Variants in NECAB3 observed in about 807,000 individuals in gnomAD.
NECAB3 encodes N-terminal EF-hand calcium binding protein 3.
NECAB3 carries 38 observed loss-of-function variants against 57.2 expected under a neutral mutation model. The observed-to-expected ratio is 0.66, with a 90% CI of 0.51 to 0.87. The LOEUF is 0.87. Ranked by LOEUF, NECAB3 falls within the 40% of genes least tolerant of loss-of-function variation. The pLI is 0.00. For synonymous variants in NECAB3, 223 were observed against 222.6 expected (o/e 1.00, Z -0.02); for missense variants, 474 against 527.5 (o/e 0.90, Z 0.99).
At chr20:33,658,070 C>T (rs370085851) in intron 10 of NECAB3, 37 bp from the exon 11 acceptor site, 1 of 1,524,994 alleles carries the variant, frequency 6.6e-7, no homozygotes, top group Non-Finnish European at 8.9e-7. Context: ...TCGCTCTCCC[C>T]ACTCCCGCCC....
intron 5 of NECAB3, among the ~76,000 whole-genome samples, chr20:33,665,940 G>A (rs1158638247): frequency 1.3e-5 from 2 of 152,236 alleles, no homozygotes; most frequent in South Asian, 2.1e-4. Flanking sequence ...AAAATTAGCC[G>A]CGTATGGTGG....
chr20:33,664,404 G>A (rs2017589754), intron 5 of NECAB3: 1 of 156,410 alleles, frequency 6.4e-6, no homozygotes, highest in Non-Finnish European at 1.4e-5. Flanking sequence ...GGAAGCCCTG[G>A]GCCTCTCTCT....
chr20:33,666,926 G>A lies in NECAB3; in HGVS notation c.387+2449C>T, dbSNP rs1216483032. 5 of 152,942 alleles carry A rather than the reference G, an allele frequency of 3.3e-5. No individual in the cohort carries two copies. In the Admixed American group the frequency reaches 3.3e-4, roughly 10 times the overall value. The allele number at this position is 152,942 out of a possible 1,614,324, so 9.5% of individuals were successfully genotyped here. On this transcript the variant is annotated intron_variant, in intron 5 of 11. Transcript: ENST00000246190. ...GGAGCCAAGAGCTGAAAAGGGTGGTGATTTGGTCCAGAAGAGGAAGAACTT... is the reference window on the plus strand; with the variant it reads ...GGAGCCAAGAGCTGAAAAGGGTGGTAATTTGGTCCAGAAGAGGAAGAACTT...
intron 5 of NECAB3, chr20:33,667,642 G>A (rs1351138139): frequency 1.2e-6 from 2 of 1,607,680 alleles, no homozygotes; most frequent in South Asian, 1.1e-5. Flanking sequence ...GAACGTGGCA[G>A]GCAGCACCCT....
At chr20:33,673,448 T>C (rs2017873612) in intron 1 of NECAB3, among the ~76,000 whole-genome samples, 1 of 151,668 alleles carries the variant, frequency 6.6e-6, no homozygotes, top group Non-Finnish European at 1.5e-5. Flanking sequence ...ATCTTGGGAG[T>C]GGGCAGGGGT....
At chr20:33,667,862 G>A in intron 5 of NECAB3, 4 of 1,604,492 alleles carry the variant, frequency 2.5e-6, no homozygotes, top group South Asian at 2.2e-5. Context: ...GAGCGCTTCC[G>A]CTGCCCCGAA....
At chr20:33,658,408 T>A in intron 10 of NECAB3, 69 bp downstream of exon 10, 1 of 1,510,240 alleles carries the variant, frequency 6.6e-7, no homozygotes. Context: ...GAGAGCAGAA[T>A]TAGAACCCTG....
chr20:33,668,246 A>G (rs772536664), intron 5 of NECAB3: 3 of 1,565,956 alleles, frequency 1.9e-6, no homozygotes. Context: ...GTCAGGCTGG[A>G]CTGGGGGGGG....
chr20:33,663,762 G>A (rs1342781316), intron 5 of NECAB3: 4 of 1,454,460 alleles, frequency 2.8e-6, no homozygotes, highest in Admixed American at 2.6e-5. Context: ...TGAGCTGGCC[G>A]CGGCTGCTCT....
rs748691280 is a variant in NECAB3 at position 33,658,745 on chromosome 20, T to C, written c.969A>G (p.Thr323=). Residue 323 remains threonine, a synonymous_variant, in exon 9 of 12, where the codon ACA becomes ACG. Coordinates refer to ENST00000246190, the MANE Select transcript of NECAB3 (RefSeq NM_031232.4). ...HRALRCYVDF[T]GAQSHCLHVS... The stretch of plus-strand genomic sequence containing the variant: ...ACTGCAGACAATGGCTCTGGGCCCC[T>C]GTGAAGTCCACATAGCAGCGCAGGG... The C allele has an allele frequency of 4.3e-6, 7 of 1,613,556 alleles. No individual in the cohort carries two copies. The African/African-American group carries it at 8.0e-5, about 18-fold the overall frequency.
chr20:33,668,024 C>T, intron 5 of NECAB3: 3 of 1,543,576 alleles, frequency 1.9e-6, no homozygotes, highest in Admixed American at 2.0e-5. Flanking sequence ...CCTGGCTTCG[C>T]CGAGCGCCTG....
intron 5 of NECAB3, chr20:33,667,570 G>T: frequency 6.4e-7 from 1 of 1,558,968 alleles, no homozygotes. Flanking sequence ...GGCGGGCGCG[G>T]GCGTGTGCCA....
intron 5 of NECAB3, chr20:33,664,097 G>C (rs946729787): frequency 2.1e-6 from 1 of 465,694 alleles, no homozygotes; most frequent in Admixed American, 4.4e-5. Flanking sequence ...CCCAAACCTT[G>C]CTACAGTGGC....
At chr20:33,669,085 T>C (rs902740710) in intron 5 of NECAB3, 4 of 426,096 alleles carry the variant, frequency 9.4e-6, no homozygotes, top group Admixed American at 8.1e-5. Context: ...GCACCCAGTG[T>C]ATGCCAGACA....
chr20:33,658,151 A>C, intron 10 of NECAB3, 118 bp from the exon 11 acceptor site: 1 of 883,416 alleles, frequency 1.1e-6, no homozygotes, highest in Non-Finnish European at 1.7e-6. Flanking sequence ...CTCCCCTGTG[A>C]CACGGGGAAG....
chr20:33,657,204 T>G lies in NECAB3; in HGVS notation c.*625A>C, dbSNP rs1762750035. On this transcript the variant is annotated 3_prime_UTR_variant, in exon 12 of 12. Transcript: ENST00000246190. The stretch of plus-strand genomic sequence containing the variant: ...TTATTGCTACTTGGCCAGGTCACCT[T>G]GGGGCTTCCCATACTGCCCTGAGAA... 6.5e-6 allele frequency: 1 copy of G among 152,828 alleles called. No individual in the cohort carries two copies. The highest frequency in any genetic ancestry group is 1.5e-5 in the Non-Finnish European group (1 of 68,072). The allele number at this position is 152,828 out of a possible 1,614,324, so 9.5% of individuals were successfully genotyped here.
Position 33,674,235 on chromosome 20 carries a change from G to A in NECAB3, c.118C>T (p.Leu40Phe), listed in dbSNP as rs945330530. The A allele has an allele frequency of 8.0e-6, 10 of 1,246,956 alleles. No individual in the cohort carries two copies. Among genetic ancestry groups the A allele is most frequent in the East Asian group, 3.1e-5 (1 of 32,388 alleles). 77.2% of individuals were successfully genotyped at this position (1,246,956 alleles called of 1,614,324 possible). A position where few individuals can be genotyped will look rare whatever the true frequency, so the allele number is the denominator to read the frequency against. ...CCGCGCCCACTCACGTCCTGGAAGA[G>A]CGTGTGTCCGGCGGGCCCCGGGTCG... ...APDPGPAGHT[L>F]FQDVFRRADK... Residue 40 changes from leucine to phenylalanine, a missense_variant, in exon 1 of 12, where the codon CTC (leucine) becomes TTC (phenylalanine). Leu to Phe is a conservative substitution (Grantham distance 22). Coordinates refer to ENST00000246190, the MANE Select transcript of NECAB3 (RefSeq NM_031232.4).
At chr20:33,669,232 G>A in intron 5 of NECAB3, 143 bp downstream of exon 5, 1 of 739,684 alleles carries the variant, frequency 1.4e-6, no homozygotes, top group Non-Finnish European at 2.3e-6. Context: ...AGAGGTCAAG[G>A]GGCACAGCTA....
upstream of NECAB3, chr20:33,674,975 A>T (rs780074929): frequency 6.6e-6 from 1 of 151,988 alleles, no homozygotes; most frequent in African/African-American, 2.4e-5. Flanking sequence ...GCGAAAGAGG[A>T]GGTGTCACTT....
Sources: allele counts gnomAD v4.1 joint callset (sites outside exome capture counted in the v4.1 genomes callset), GRCh38; gene constraint gnomAD v4.1.1; transcripts MANE v1.5; gene names NCBI Gene and HGNC (gene_info 2026-07-23, HGNC 2026-07-21).